The following MCPH1 variants were observed in gnomAD, a reference collection of about 807,000 sequenced individuals.
MCPH1 encodes the protein microcephalin.
In MCPH1, 104 loss-of-function variants were observed where a neutral mutation model predicts 84.5. That is an observed-to-expected ratio of 1.23 (90% CI 1.05 to 1.45). MCPH1 has a LOEUF of 1.45. MCPH1 is among the 40% of genes most tolerant of loss of function. The probability of loss-of-function intolerance (pLI) is 0.00; values close to 1 mark genes in which losing one functional copy is unlikely to be tolerated. For missense variants in MCPH1, 1,498 were observed against 1,005.7 expected (o/e 1.49, Z -6.62); for synonymous variants, 514 against 366.8 (o/e 1.40, Z -4.58).
At chr8:6,428,499 G>A (rs1034401420) in intron 3 of MCPH1, among the ~76,000 whole-genome samples, 3 of 152,132 alleles carry the variant, frequency 2.0e-5, no homozygotes, top group East Asian at 1.9e-4. Context: ...AATGAAACTT[G>A]CACCCCTTAG....
At chr8:6,639,164 G>A (rs1186254916) in intron 13 of MCPH1, among the ~76,000 whole-genome samples, 1 of 152,174 alleles carries the variant, frequency 6.6e-6, no homozygotes, top group African/African-American at 2.4e-5. Flanking sequence ...TGGAAGGGTG[G>A]ATGGGTGGAT....
At chr8:6,421,206 G>A (rs995769579) in intron 3 of MCPH1, among the ~76,000 whole-genome samples, 1 of 151,902 alleles carries the variant, frequency 6.6e-6, no homozygotes, top group Non-Finnish European at 1.5e-5. Context: ...TCTCCCTGGC[G>A]TCTGCATTCA....
chr8:6,567,504 A>G (rs1253973484), intron 12 of MCPH1, among the ~76,000 whole-genome samples: 2 of 152,198 alleles, frequency 1.3e-5, no homozygotes, highest in East Asian at 3.9e-4. Context: ...AGAAAGTGCC[A>G]CACTGAAGTG....
chr8:6,604,067 T>G (rs543625431), intron 12 of MCPH1, among the ~76,000 whole-genome samples: 2 of 151,714 alleles, frequency 1.3e-5, no homozygotes, highest in African/African-American at 4.8e-5. Flanking sequence ...CCCTGGCCAG[T>G]AGGAAACAGG....
chr8:6,517,451 T>C (rs1394303308), intron 12 of MCPH1, among the ~76,000 whole-genome samples: 4 of 152,202 alleles, frequency 2.6e-5, no homozygotes, highest in Admixed American at 2.6e-4. Context: ...TCTTGCAGTC[T>C]CTCTCTCGTA....
At chr8:6,496,530 C>A (rs2515595) in intron 11 of MCPH1, among the ~76,000 whole-genome samples, 1 of 151,282 alleles carries the variant, frequency 6.6e-6, no homozygotes, top group Non-Finnish European at 1.5e-5. Context: ...CCCCCGCCCC[C>A]CTTCCCCCGC....
At chr8:6,409,896 G>A (rs1270626466) in intron 2 of MCPH1, among the ~76,000 whole-genome samples, 1 of 152,158 alleles carries the variant, frequency 6.6e-6, no homozygotes, top group Non-Finnish European at 1.5e-5. Flanking sequence ...ACAGGCGATG[G>A]GAGCAGGGAC....
At chr8:6,563,053 A>G (rs3739392) in intron 12 of MCPH1, 147,766 of 1,121,508 alleles carry the variant, frequency 0.13, 10,197 homozygotes, top group South Asian at 0.17. Flanking sequence ...GGGTCCGTCA[A>G]TGAAAGTCTT....
intron 11 of MCPH1, among the ~76,000 whole-genome samples, chr8:6,486,545 G>A (rs528404345): frequency 1.3e-5 from 2 of 152,112 alleles, no homozygotes; most frequent in Admixed American, 1.3e-4. Context: ...AAACTGTGGC[G>A]ATTTTATAAC....
intron 11 of MCPH1, among the ~76,000 whole-genome samples, chr8:6,492,127 C>G (rs1810673516): frequency 6.6e-6 from 1 of 152,210 alleles, no homozygotes; most frequent in Non-Finnish European, 1.5e-5. Context: ...TCCACATCCT[C>G]TCCAGCACCT....
At chr8:6,579,026 A>C (rs1827338452) in intron 12 of MCPH1, among the ~76,000 whole-genome samples, 1 of 152,190 alleles carries the variant, frequency 6.6e-6, no homozygotes, top group African/African-American at 2.4e-5. Context: ...TTTCAAAGGG[A>C]ATAGAATACT....
rs116288315 is a variant in MCPH1 at position 6,551,331 on chromosome 8, T to C, written c.2214+51402T>C. Among the ~76,000 whole-genome samples the C allele has an allele frequency of 6.2e-3, 937 of 152,288 alleles. 7 individuals are homozygous for C. Among genetic ancestry groups the C allele is most frequent in the African/African-American group, 0.022 (898 of 41,552 alleles). On this transcript the variant is annotated intron_variant, in intron 12 of 13. Coordinates refer to ENST00000344683, the MANE Select transcript of MCPH1 (RefSeq NM_024596.5). Reference sequence around the variant, plus strand: ...GAAGAATAGTGTGCCATCAATTAATTCTATGCATGTCAGCTGCAACGCCTT... The same window carrying C: ...GAAGAATAGTGTGCCATCAATTAATCCTATGCATGTCAGCTGCAACGCCTT...
At chr8:6,587,462 C>T (rs765084385) in intron 12 of MCPH1, among the ~76,000 whole-genome samples, 8 of 152,142 alleles carry the variant, frequency 5.3e-5, no homozygotes, top group Non-Finnish European at 1.0e-4. Flanking sequence ...CAATTGTATA[C>T]AGTTTTGCGA....
chr8:6,443,877 T>G (rs1803870936), intron 7 of MCPH1, among the ~76,000 whole-genome samples: 1 of 152,176 alleles, frequency 6.6e-6, no homozygotes, highest in African/African-American at 2.4e-5. Flanking sequence ...AAATGAGTAA[T>G]CCATATAAGA....
chr8:6,522,038 G>A (rs1422963272), intron 12 of MCPH1, among the ~76,000 whole-genome samples: 1 of 152,164 alleles, frequency 6.6e-6, no homozygotes, highest in Non-Finnish European at 1.5e-5. Flanking sequence ...CATGGGGTTG[G>A]TGTGAGGAAC....
At chr8:6,457,753 G>A (rs1008127819) in intron 9 of MCPH1, among the ~76,000 whole-genome samples, 2 of 152,188 alleles carry the variant, frequency 1.3e-5, no homozygotes, top group Admixed American at 6.5e-5. Context: ...ATTGCGTCTC[G>A]CCAATAGCAG....
chr8:6,622,102 C>G (rs1304509841), intron 13 of MCPH1: 2 of 331,036 alleles, frequency 6.0e-6, no homozygotes, highest in Admixed American at 3.7e-5. Flanking sequence ...CCGTCCCTGT[C>G]ATCTCCTCTC....
At chr8:6,451,497 T>C (rs1270790487) in intron 8 of MCPH1, among the ~76,000 whole-genome samples, 3 of 152,218 alleles carry the variant, frequency 2.0e-5, no homozygotes, top group Non-Finnish European at 4.4e-5. Context: ...GGAATTAAAA[T>C]TGATATTGGA....
intron 12 of MCPH1, among the ~76,000 whole-genome samples, chr8:6,505,753 CGTATATATAGA>C (rs1286454044): frequency 2.3e-5 from 3 of 127,952 alleles, no homozygotes; most frequent in African/African-American, 8.9e-5. Context: ...TTTATATATA[CGTATATATAGA>C]ATATATATAT....
Sources: gnomAD v4.1 joint callset for allele counts (sites outside exome capture counted in the v4.1 genomes callset) on GRCh38, gnomAD v4.1.1 for gene constraint, MANE v1.5 for transcripts, NCBI Gene and HGNC (gene_info 2026-07-23, HGNC 2026-07-21) for gene names.